Variants in UAP1L1 observed in about 807,000 individuals in gnomAD.
UAP1L1 encodes UDP-N-acetylglucosamine pyrophosphorylase 1 like 1.
UAP1L1 carries 45 observed loss-of-function variants against 45.3 expected under a neutral mutation model. The observed-to-expected ratio is 0.99, with a 90% CI of 0.78 to 1.27. The LOEUF (loss-of-function observed/expected upper bound fraction) is 1.27, where lower values mean the gene tolerates loss of function less well. Ranked by LOEUF, UAP1L1 falls within the 50% of genes most tolerant of loss-of-function variation. The pLI is 0.00. For missense variants in UAP1L1, 667 were observed against 694.0 expected, an observed-to-expected ratio of 0.96 and a Z score of 0.44; for synonymous variants, 323 against 303.9, an observed-to-expected ratio of 1.06 and a Z score of -0.65.
chr9:137,077,814 G>A lies in UAP1L1; in HGVS notation c.282G>A (p.Glu94=), dbSNP rs1832716181. 2.1e-6 allele frequency: 3 copies of A among 1,402,604 alleles called. No individual in the cohort carries two copies. Among genetic ancestry groups the A allele is most frequent in the East Asian group, 2.8e-5 (1 of 35,262 alleles). 86.9% of individuals were successfully genotyped at this position (1,402,604 alleles called of 1,614,324 possible). The change falls in exon 1 of 9, where the codon GAG becomes GAA. Residue 94 remains glutamate, a synonymous_variant. Coordinates refer to ENST00000409858, the MANE Select transcript of UAP1L1 (RefSeq NM_207309.3). This position sits in a 1 kb window ranked among gnomAD's most constrained non-coding sequence, Gnocchi z 4.7. ...RSDPETRRRW[E]EEGFRQISLN... ...ACCCCGAGACACGGCGGCGCTGGGA[G>A]GAGGAAGGTAAGCGGGGTGGGAGGC...
chr9:137,081,287 C>G (rs1221255478), intron 7 of UAP1L1, among the ~76,000 whole-genome samples: 2 of 151,834 alleles, frequency 1.3e-5, no homozygotes, highest in East Asian at 3.9e-4. Flanking sequence ...GCAAGCTCCA[C>G]CCTCCCCCGG....
rs1187520869 is a variant in UAP1L1 at position 137,082,944 on chromosome 9, T to A, written c.*215T>A. ...GACTCCACGAGGGCAGGGCCTCTCC[T>A]GTCGCCTCTGGACACAAGTGGCGAC... On this transcript the variant is annotated 3_prime_UTR_variant, in exon 9 of 9. Coordinates refer to ENST00000409858, the MANE Select transcript of UAP1L1 (RefSeq NM_207309.3). This position sits in a 1 kb window ranked among gnomAD's most constrained non-coding sequence, Gnocchi z 5.7. 1.8e-6 allele frequency: 1 copy of A among 545,658 alleles called. No homozygotes were observed. Among genetic ancestry groups the A allele is most frequent in the Non-Finnish European group, 3.3e-6 (1 of 300,932 alleles). The allele number at this position is 545,658 out of a possible 1,614,324, so 33.8% of individuals were successfully genotyped here.
rs1326577976 is a variant in UAP1L1, at chr9:137,077,683, C to G, written c.151C>G (p.Arg51Gly). ...LEPEALREHC[R>G]RAAEACARPH... ...GCCCGAGGCGCTGCGCGAGCACTGCCGGCGGGCGGCGGAGGCCTGCGCGCG... is the reference window on the plus strand; with the variant it reads ...GCCCGAGGCGCTGCGCGAGCACTGCGGGCGGGCGGCGGAGGCCTGCGCGCG... Residue 51 changes from arginine to glycine, a missense_variant, in exon 1 of 9, where the codon CGG becomes GGG. Coordinates refer to ENST00000409858, the MANE Select transcript of UAP1L1 (RefSeq NM_207309.3). This position sits in a 1 kb window ranked among gnomAD's most constrained non-coding sequence, Gnocchi z 4.7. 8.7e-7 allele frequency: 1 copy of G among 1,155,834 alleles called. No individual in the cohort carries two copies. The highest frequency in any genetic ancestry group is 1.6e-5 in the African/African-American group (1 of 60,984). 71.6% of individuals were successfully genotyped at this position (1,155,834 alleles called of 1,614,324 possible).
In UAP1L1 at chr9:137,080,690, A is replaced by G. The variant is rs747915191; in HGVS notation, c.1180A>G (p.Asn394Asp). 6 of 1,608,900 alleles carry G rather than the reference A, an allele frequency of 3.7e-6. No homozygotes were observed. In the Admixed American group the frequency reaches 1.0e-4, roughly 27 times the overall value. Residue 394 changes from asparagine to aspartate, a missense_variant and splice_region_variant, in exon 7 of 9, where the codon AAC (asparagine) becomes GAC (aspartate). Coordinates refer to ENST00000409858, the MANE Select transcript of UAP1L1 (RefSeq NM_207309.3). ...GGTGACTAGCCCTTTCCCCACCAGG[A>G]ACTTTGCTGCCTTGGAAGTGCTGCG... ...FVFDVFRFAK[N>D]FAALEVLREE...
At chr9:137,081,545 T>C (rs1832788237) in intron 7 of UAP1L1, among the ~76,000 whole-genome samples, 2 of 152,044 alleles carry the variant, frequency 1.3e-5, no homozygotes, top group Admixed American at 1.3e-4. Flanking sequence ...TTTGTATACA[T>C]TTGTGGGGTG....
chr9:137,077,932 G>T lies in UAP1L1; in HGVS notation c.289+111G>T. 1 of 1,516,038 alleles carries T rather than the reference G, an allele frequency of 6.6e-7. No individual in the cohort carries two copies. Among genetic ancestry groups the T allele is most frequent in the Non-Finnish European group, 8.8e-7 (1 of 1,138,046 alleles). The allele number at this position is 1,516,038 out of a possible 1,614,324, so 93.9% of individuals were successfully genotyped here. A position where few individuals can be genotyped will look rare whatever the true frequency, so the allele number is the denominator to read the frequency against. On this transcript the variant is annotated intron_variant, in intron 1 of 8. Coordinates refer to ENST00000409858, the MANE Select transcript of UAP1L1 (RefSeq NM_207309.3). This position sits in a 1 kb window ranked among gnomAD's most constrained non-coding sequence, Gnocchi z 4.7. ...AGTTCTCCTCGCTACTTTGAGACGTGTCTCGCCTCACGCGTTCCGGCCCCC... is the reference window on the plus strand; with the variant it reads ...AGTTCTCCTCGCTACTTTGAGACGTTTCTCGCCTCACGCGTTCCGGCCCCC...
In UAP1L1 at chr9:137,079,162, T is replaced by C. The variant is rs118178799; in HGVS notation, c.843+14T>C. On this transcript the variant is annotated intron_variant, in intron 4 of 8. Coordinates refer to ENST00000409858, the MANE Select transcript of UAP1L1 (RefSeq NM_207309.3). ...TGTGGCGCCAAGGTTAGCGCCCGAC[T>C]GCGCGGCGCCCCGCACCCGAGGCTG... is the stretch of plus-strand genomic sequence containing the variant. 184,988 of 1,600,994 alleles carry C rather than the reference T, an allele frequency of 0.12. 11,936 individuals carry two copies. Among genetic ancestry groups the C allele is most frequent in the Non-Finnish European group, 0.13 (153,669 of 1,175,732 alleles).
Position 137,078,249 on chromosome 9 carries a change from C to A in UAP1L1, c.489C>A (p.Val163=), listed in dbSNP as rs1366385123. 4 of 1,542,332 alleles carry A rather than the reference C, an allele frequency of 2.6e-6. No homozygotes were observed. In the African/African-American group the frequency reaches 4.1e-5, roughly 16 times the overall value. ...AGERHGTRCT[V]PWYVMTSEFT... ...AGCGCCACGGGACCCGCTGCACCGT[C>A]CCCTGGTGTGTCCTGCCTGCCCTAC... The change falls in exon 2 of 9, where the codon GTC becomes GTA. Residue 163 remains valine (V), a synonymous_variant. Transcript: ENST00000409858.
chr9:137,078,056 G>A lies in UAP1L1; in HGVS notation c.296G>A (p.Arg99His). The A allele has an allele frequency of 6.5e-7, 1 of 1,549,186 alleles. No individual in the cohort carries two copies. The highest frequency in any genetic ancestry group is 8.7e-7 in the Non-Finnish European group (1 of 1,146,886). The change falls in exon 2 of 9, where the codon CGT (arginine) becomes CAT (histidine). Residue 99 changes from arginine (R) to histidine (H), a missense_variant. Transcript: ENST00000409858. ...TRRRWEEEGFRQISLNKVAVL... is the reference protein window; with the variant it reads ...TRRRWEEEGFHQISLNKVAVL... ...ACGGCGCCCGTACCCCCAGGTTTCC[G>A]TCAGATTTCTCTGAACAAGGTGGCC...
Position 137,078,613 on chromosome 9 carries a change from G to C in UAP1L1, c.606G>C (p.Leu202=). 2 of 1,613,134 alleles carry C rather than the reference G, an allele frequency of 1.2e-6. No individual in the cohort carries two copies. The highest frequency in any genetic ancestry group is 2.2e-5 in the South Asian group (2 of 91,092). The part of the protein sequence containing the change: ...ANVVMFEQRL[L]PAVTFDGKVI... ...TGGTCATGTTTGAGCAGCGCCTGCT[G>C]CCTGCTGTGACCTTTGATGGCAAGG... Residue 202 remains leucine (L), a synonymous_variant, in exon 3 of 9, where the codon CTG becomes CTC. Coordinates refer to ENST00000409858, the MANE Select transcript of UAP1L1 (RefSeq NM_207309.3).
chr9:137,079,284 C>T lies in UAP1L1; in HGVS notation c.872C>T (p.Pro291Leu). The change falls in exon 5 of 9, where the codon CCC (proline) becomes CTC (leucine). Residue 291 changes from proline (P) to leucine (L), a missense_variant. Coordinates refer to ENST00000409858, the MANE Select transcript of UAP1L1 (RefSeq NM_207309.3). ...KVVEKAYPEE[P>L]VGVVCQVDGV... ...GTGGAAAAGGCATACCCCGAGGAGC[C>T]CGTGGGCGTGGTGTGCCAGGTGGAC... is the stretch of plus-strand genomic sequence containing the variant. The T allele has an allele frequency of 1.9e-6, 3 of 1,611,990 alleles. No homozygotes were observed. The highest frequency in any genetic ancestry group is 3.3e-5 in the Admixed American group (2 of 59,928).
At chr9:137,079,721 C>T (rs1181099088) in intron 5 of UAP1L1, 1 of 585,542 alleles carries the variant, frequency 1.7e-6, no homozygotes, top group African/African-American at 1.9e-5. Context: ...GGGACCTGCC[C>T]TGGTGCCCAG....
rs146965332 is a variant in UAP1L1 at position 137,079,310 on chromosome 9, G to A, written c.898G>A (p.Gly300Ser). Residue 300 changes from glycine to serine, a missense_variant, in exon 5 of 9, where the codon GGT becomes AGT. Gly to Ser is a moderately conservative substitution (Grantham distance 56, BLOSUM62 0). Transcript: ENST00000409858. ...CGTGGGCGTGGTGTGCCAGGTGGACGGTGTCCCCCAGGTGGTGGAGTACAG... is the reference window on the plus strand; with the variant it reads ...CGTGGGCGTGGTGTGCCAGGTGGACAGTGTCCCCCAGGTGGTGGAGTACAG... ...EPVGVVCQVDGVPQVVEYSEI... is the reference protein window; with the variant it reads ...EPVGVVCQVDSVPQVVEYSEI... The A allele has an allele frequency of 3.9e-5, 63 of 1,612,862 alleles. No individual in the cohort carries two copies. The highest frequency in any genetic ancestry group is 4.7e-5 in the Non-Finnish European group (56 of 1,179,702).
rs1051097670 is a variant in UAP1L1, at chr9:137,082,617, T to A, written c.1432-20T>A. On this transcript the variant is annotated intron_variant, in intron 8 of 8. Coordinates refer to ENST00000409858, the MANE Select transcript of UAP1L1 (RefSeq NM_207309.3). The surrounding 1 kb of genome is among the most constrained non-coding windows in gnomAD (Gnocchi z 5.7). ...CGCCAAAAGGTGGGTACTTGGCCAT[T>A]GTCCCCTGCTCGTCTCCAGGGTTTA... 9 of 1,548,732 alleles carry A rather than the reference T, an allele frequency of 5.8e-6. No individual in the cohort carries two copies. The African/African-American group carries it at 8.2e-5, about 14-fold the overall frequency.
rs1271366365 is a variant in UAP1L1, at chr9:137,077,604, C to G, written c.72C>G (p.Ala24=). ...AGGAGCACCTCCTGCGCTTCTGGGCCGAGCTGGCGCCGGAGCCACGAGCCG... is the reference window on the plus strand; with the variant it reads ...AGGAGCACCTCCTGCGCTTCTGGGCGGAGCTGGCGCCGGAGCCACGAGCCG... ...AGQEHLLRFW[A]ELAPEPRAAL... is the part of the protein sequence containing the mutation. Residue 24 remains alanine, a synonymous_variant, in exon 1 of 9, where the codon GCC becomes GCG. Transcript: ENST00000409858. This position sits in a 1 kb window ranked among gnomAD's most constrained non-coding sequence, Gnocchi z 4.7. The G allele has an allele frequency of 3.7e-6, 5 of 1,353,948 alleles. No individual in the cohort carries two copies. The highest frequency in any genetic ancestry group is 3.5e-5 in the East Asian group (1 of 28,808). 83.9% of individuals were successfully genotyped at this position (1,353,948 alleles called of 1,614,324 possible). A position where few individuals can be genotyped will look rare whatever the true frequency, so the allele number is the denominator to read the frequency against.
Position 137,077,981 on chromosome 9 carries a change from A to T in UAP1L1, c.290-69A>T. The stretch of plus-strand genomic sequence containing the variant: ...CCGAGTCCTGGCGCCCCAGCCCCAG[A>T]GTTGGTTTCCCCTAAAGCGGAAGGG... On this transcript the variant is annotated intron_variant, in intron 1 of 8. Transcript: ENST00000409858. This position sits in a 1 kb window ranked among gnomAD's most constrained non-coding sequence, Gnocchi z 4.7. 1 of 1,534,376 alleles carries T rather than the reference A, an allele frequency of 6.5e-7. No homozygotes were observed. The highest frequency in any genetic ancestry group is 8.7e-7 in the Non-Finnish European group (1 of 1,145,852).
rs1455665444 is a variant in UAP1L1, at chr9:137,077,801, G to C, written c.269G>C (p.Arg90Pro). ...GRASRSDPET[R>P]RRWEEEGFRQ... is the part of the protein sequence containing the mutation. ...GCCAGCCGCAGCGACCCCGAGACACGGCGGCGCTGGGAGGAGGAAGGTAAG... is the reference window on the plus strand; with the variant it reads ...GCCAGCCGCAGCGACCCCGAGACACCGCGGCGCTGGGAGGAGGAAGGTAAG... Residue 90 changes from arginine to proline, a missense_variant, in exon 1 of 9, where the codon CGG becomes CCG. Arg to Pro is a moderately radical substitution (Grantham distance 103). Coordinates refer to ENST00000409858, the MANE Select transcript of UAP1L1 (RefSeq NM_207309.3). This position sits in a 1 kb window ranked among gnomAD's most constrained non-coding sequence, Gnocchi z 4.7. The C allele has an allele frequency of 7.2e-7, 1 of 1,385,710 alleles. No homozygotes were observed. Among genetic ancestry groups the C allele is most frequent in the Non-Finnish European group, 9.3e-7 (1 of 1,074,352 alleles). 85.8% of individuals were successfully genotyped at this position (1,385,710 alleles called of 1,614,324 possible).
Position 137,082,604 on chromosome 9 carries a change from G to A in UAP1L1, c.1432-33G>A. On this transcript the variant is annotated intron_variant, in intron 8 of 8. Coordinates refer to ENST00000409858, the MANE Select transcript of UAP1L1 (RefSeq NM_207309.3). The surrounding 1 kb of genome is among the most constrained non-coding windows in gnomAD (Gnocchi z 5.7). ...AGGGGCTGTGACCCGCCAAAAGGTG[G>A]GTACTTGGCCATTGTCCCCTGCTCG... 6.6e-7 allele frequency: 1 copy of A among 1,526,656 alleles called. No individual in the cohort carries two copies. Among genetic ancestry groups the A allele is most frequent in the South Asian group, 1.2e-5 (1 of 83,542 alleles). The allele number at this position is 1,526,656 out of a possible 1,614,324, so 94.6% of individuals were successfully genotyped here. A position where few individuals can be genotyped will look rare whatever the true frequency, so the allele number is the denominator to read the frequency against.
chr9:137,080,594 C>T (rs1832773785), intron 6 of UAP1L1, 95 bp from the exon 7 acceptor site: 2 of 1,281,322 alleles, frequency 1.6e-6, no homozygotes, highest in Non-Finnish European at 2.2e-6. Context: ...TGGGACCAGA[C>T]CTTCACTCTG....
Sources: allele counts gnomAD v4.1 joint callset (sites outside exome capture counted in the v4.1 genomes callset), GRCh38; gene constraint gnomAD v4.1.1; non-coding constraint Gnocchi (gnomAD v3.1); transcripts MANE v1.5; gene names NCBI Gene and HGNC (gene_info 2026-07-23, HGNC 2026-07-21).